EPHA10: variants seen among roughly 807,000 people sequenced by gnomAD.
EPHA10 encodes the protein EPH receptor A10, also known as ephrin type-A receptor 10.
A neutral mutation model predicts 109.7 loss-of-function variants in EPHA10; 120 were observed. The ratio of observed to expected loss-of-function variants is 1.09; its 90% CI spans 0.94 to 1.27. The LOEUF is 1.27. Among genes scored for constraint, EPHA10 ranks in the 50% most tolerant of loss-of-function variants. The probability of loss-of-function intolerance (pLI) is 0.00; values close to 1 mark genes in which losing one functional copy is unlikely to be tolerated. For missense variants in EPHA10, 1,396 were observed against 1,411.1 expected (o/e 0.99, Z 0.17); for synonymous variants, 640 against 618.9 (o/e 1.03, Z -0.51).
chr1:37,750,616 G>A (rs1366258872), intron 5 of EPHA10, among the ~76,000 whole-genome samples: 1 of 150,826 alleles, frequency 6.6e-6, no homozygotes, highest in Non-Finnish European at 1.5e-5. Context: ...GTCTGGCTCT[G>A]TCACCCAGGC....
At chr1:37,757,133 G>C (rs508992) in intron 3 of EPHA10, among the ~76,000 whole-genome samples, 1 of 151,996 alleles carries the variant, frequency 6.6e-6, no homozygotes. Flanking sequence ...GGCCCTAGCA[G>C]AGAATTAAAG....
chr1:37,751,274 T>C (rs1569749417), intron 5 of EPHA10, among the ~76,000 whole-genome samples: 1 of 135,700 alleles, frequency 7.4e-6, no homozygotes, highest in Admixed American at 7.5e-5. Context: ...ATTGGTTAAA[T>C]GATTATTTTC....
rs1646326429 is a variant in EPHA10 at position 37,751,538 on chromosome 1, C to T, written c.1357+1338G>A. Among the ~76,000 whole-genome samples, 4 of 147,718 alleles carry T rather than the reference C, an allele frequency of 2.7e-5. No individual in the cohort carries two copies. In the Admixed American group the frequency reaches 2.8e-4, roughly 10 times the overall value. On this transcript the variant is annotated intron_variant, in intron 5 of 16. Coordinates refer to ENST00000373048, the MANE Select transcript of EPHA10 (RefSeq NM_001099439.2). ...GAACTGTGATCACACCACCACACTC[C>T]AGCCTGGGTGACGAGCAAAACTCCA...
At chr1:37,715,925 C>T (rs1233620962), downstream of EPHA10, 2 of 571,282 alleles carry the variant, frequency 3.5e-6, no homozygotes, top group Non-Finnish European at 6.9e-6. Flanking sequence ...AGAAGCCCTT[C>T]CACACCAGCT....
intron 7 of EPHA10, 99 bp downstream of exon 7, chr1:37,731,312 T>A (rs2148329582): frequency 7.6e-7 from 1 of 1,310,856 alleles, no homozygotes; most frequent in Middle Eastern, 2.0e-4. Flanking sequence ...ATTGCACAGA[T>A]AACTCCAGAT....
downstream of EPHA10, chr1:37,714,597 A>T (rs956281096): frequency 3.5e-4 from 53 of 152,388 alleles, no homozygotes; most frequent in African/African-American, 1.2e-3. Flanking sequence ...AACTCCCAGT[A>T]ACTCAGAAGG....
chr1:37,747,465 C>T (rs1014445155), intron 5 of EPHA10, among the ~76,000 whole-genome samples: 3 of 150,308 alleles, frequency 2.0e-5, no homozygotes, highest in African/African-American at 4.9e-5. Context: ...GCAGGAGAAT[C>T]GCTTGAACTC....
chr1:37,762,130 C>T, intron 2 of EPHA10, 47 bp from the exon 3 acceptor site: 1 of 1,519,318 alleles, frequency 6.6e-7, no homozygotes, highest in South Asian at 1.3e-5. Flanking sequence ...CAAAGTGCTT[C>T]CAGGAGGTGG....
At chr1:37,747,934 A>C in intron 5 of EPHA10, among the ~76,000 whole-genome samples, 1 of 152,210 alleles carries the variant, frequency 6.6e-6, no homozygotes, top group East Asian at 1.9e-4. Context: ...AAGAAAGAGA[A>C]AGTGAAGTTA....
intron 6 of EPHA10, 142 bp from the exon 7 acceptor site, chr1:37,731,724 T>A: frequency 1.1e-6 from 1 of 870,426 alleles, no homozygotes; most frequent in Non-Finnish European, 1.7e-6. Flanking sequence ...TCAATCATCT[T>A]GGGGTTTCCC....
At chr1:37,720,670 C>A (rs1645777659) in intron 12 of EPHA10, 113 bp downstream of exon 12, 1 of 1,536,154 alleles carries the variant, frequency 6.5e-7, no homozygotes, top group South Asian at 1.2e-5. Context: ...GACCACAGGT[C>A]AGCCCGGCCA....
At chr1:37,724,672 C>G (rs552736383) in intron 8 of EPHA10, among the ~76,000 whole-genome samples, 1 of 152,038 alleles carries the variant, frequency 6.6e-6, no homozygotes, top group Non-Finnish European at 1.5e-5. Context: ...GAGGAGTTTC[C>G]GAAGTTTTCA....
In EPHA10 at chr1:37,762,101, G is replaced by A; in HGVS notation, c.172-18C>T. The A allele has an allele frequency of 1.9e-6, 3 of 1,553,162 alleles. No individual in the cohort carries two copies. Among genetic ancestry groups the A allele is most frequent in the Non-Finnish European group, 2.6e-6 (3 of 1,149,040 alleles). ...TCCTCCCACTGGGGACAAGAGTAAA[G>A]GGGTGGGCAGCCCAGAGCCAAAGTG... On this transcript the variant is annotated intron_variant, in intron 2 of 16. Transcript: ENST00000373048.
chr1:37,724,325 C>T (rs545352293), intron 8 of EPHA10, among the ~76,000 whole-genome samples: 19 of 152,188 alleles, frequency 1.2e-4, no homozygotes, highest in Admixed American at 6.5e-4. Context: ...AGTTTGCAGG[C>T]CTGGGGGATA....
chr1:37,720,321 ACAGGCAGG>A (rs766704298), intron 13 of EPHA10, 22 bp downstream of exon 13: 7 of 1,573,124 alleles, frequency 4.4e-6, no homozygotes, highest in Non-Finnish European at 3.5e-6. Flanking sequence ...ACCAGAAGGC[ACAGGCAGG>A]CTTGGCTGGG....
intron 13 of EPHA10, 111 bp downstream of exon 13, chr1:37,720,240 A>G: frequency 1.4e-6 from 2 of 1,412,942 alleles, no homozygotes; most frequent in Non-Finnish European, 9.5e-7. Flanking sequence ...TTATGCCAAG[A>G]CCAACTGGGT....
In EPHA10 at chr1:37,721,684, G is replaced by T. The variant is rs751881827; in HGVS notation, c.2122C>A (p.Arg708=). The T allele has an allele frequency of 6.2e-7, 1 of 1,608,682 alleles. No homozygotes were observed. ...LGQFDHSHIV[R]LEGVVTRGST... is the part of the protein sequence containing the mutation. Reference sequence around the variant, plus strand: ...CCTCGGGTAACAACGCCCTCCAGCCGCACGATGTGGCTATGGTCAAACTGG... The same window carrying T: ...CCTCGGGTAACAACGCCCTCCAGCCTCACGATGTGGCTATGGTCAAACTGG... Residue 708 remains arginine (R), a synonymous_variant, in exon 11 of 17, where the codon CGG becomes AGG. Transcript: ENST00000373048.
Position 37,761,723 on chromosome 1 carries a change from G to T in EPHA10, c.532C>A (p.Arg178Ser). The part of the protein sequence containing the change: ...ERKMKLNTEV[R>S]EIGPLSRRGF... ...CGCCGGCTGAGCGGTCCGATCTCGC[G>T]CACCTCTGTGTTCAGCTTCATCTTG... Residue 178 changes from arginine (R) to serine (S), a missense_variant, in exon 3 of 17, where the codon CGC becomes AGC. Coordinates refer to ENST00000373048, the MANE Select transcript of EPHA10 (RefSeq NM_001099439.2). 1 of 1,613,622 alleles carries T rather than the reference G, an allele frequency of 6.2e-7. No homozygotes were observed. Among genetic ancestry groups the T allele is most frequent in the Non-Finnish European group, 8.5e-7 (1 of 1,179,912 alleles).
chr1:37,722,136 A>C (rs1288829680), intron 10 of EPHA10: 2 of 295,386 alleles, frequency 6.8e-6, no homozygotes, highest in Non-Finnish European at 1.3e-5. Flanking sequence ...GTCTCAAAAA[A>C]AAAAGTGACT....
Sources: allele counts gnomAD v4.1 joint callset (sites outside exome capture counted in the v4.1 genomes callset), GRCh38; gene constraint gnomAD v4.1.1; transcripts MANE v1.5; gene names NCBI Gene and HGNC (gene_info 2026-07-23, HGNC 2026-07-21).